The following DNA2 variants were observed in gnomAD, a reference collection of about 807,000 sequenced individuals.
DNA2 encodes the protein DNA replication helicase/nuclease 2.
A neutral mutation model predicts 119.1 loss-of-function variants in DNA2; 101 were observed. That is an observed-to-expected ratio of 0.85 (90% CI 0.72 to 1.00). The LOEUF (loss-of-function observed/expected upper bound fraction) is 1.00, where lower values mean the gene tolerates loss of function less well. DNA2 is among the 50% of genes least tolerant of loss of function. The pLI, the probability that DNA2 is intolerant of heterozygous loss-of-function variation, is 0.00. For synonymous variants in DNA2, 366 were observed against 424.4 expected, an observed-to-expected ratio of 0.86 and a Z score of 1.69; for missense variants, 1,121 against 1,255.5, an observed-to-expected ratio of 0.89 and a Z score of 1.62.
At chr10:68,457,037 G>A (rs2133427336) in intron 5 of DNA2, among the ~76,000 whole-genome samples, 1 of 151,884 alleles carries the variant, frequency 6.6e-6, no homozygotes, top group Middle Eastern at 3.4e-3. Flanking sequence ...AGGAGGCTGA[G>A]GCAGGAGAAT....
intron 10 of DNA2, among the ~76,000 whole-genome samples, chr10:68,435,246 C>T (rs1590056928): frequency 6.6e-6 from 1 of 151,888 alleles, no homozygotes; most frequent in Non-Finnish European, 1.5e-5. Context: ...CGAGGTTTTA[C>T]TTATGTTGCC....
In DNA2 at chr10:68,468,223, A is replaced by G; in HGVS notation, c.341T>C (p.Phe114Ser). 2 of 1,612,668 alleles carry G rather than the reference A, an allele frequency of 1.2e-6. No individual in the cohort carries two copies. The highest frequency in any genetic ancestry group is 1.7e-6 in the Non-Finnish European group (2 of 1,179,396). The change falls in exon 3 of 21, where the codon TTT becomes TCT. Residue 114 changes from phenylalanine (F) to serine (S), a missense_variant. Transcript: ENST00000358410. ...GTCTGGATACAGAATCAAATATCCA[A>G]AATCTTTATCTATTATCCAAGTGTC... is the stretch of plus-strand genomic sequence containing the variant. Reference protein sequence around the residue: ...TSDTWIIDKDFGYLILYPDML... With the variant: ...TSDTWIIDKDSGYLILYPDML...
intron 5 of DNA2, among the ~76,000 whole-genome samples, chr10:68,455,099 C>G (rs1347165953): frequency 6.6e-6 from 1 of 151,834 alleles, no homozygotes; most frequent in Admixed American, 6.6e-5. Flanking sequence ...GCCACCATGC[C>G]TGGCCAATTT....
chr10:68,447,491 T>C (rs1420603186), intron 6 of DNA2, among the ~76,000 whole-genome samples: 1 of 117,980 alleles, frequency 8.5e-6, no homozygotes, highest in African/African-American at 3.5e-5. Context: ...GACTCCAGCC[T>C]GGGGGACAGA....
chr10:68,419,589 A>G (rs2051638723), intron 18 of DNA2, among the ~76,000 whole-genome samples: 2 of 152,242 alleles, frequency 1.3e-5, no homozygotes, highest in Admixed American at 1.3e-4. Context: ...ATTAGCTGAC[A>G]TTACAAAAAG....
intron 8 of DNA2, among the ~76,000 whole-genome samples, chr10:68,443,561 C>T (rs372940967): frequency 1.2e-3 from 181 of 152,280 alleles, no homozygotes; most frequent in African/African-American, 3.5e-3. Context: ...CAAACACTGA[C>T]GATAAACATA....
At position 68,449,930 on chromosome 10, in the gene DNA2, C is replaced by T. The variant is rs141425561; in HGVS notation, c.939+98G>A. The stretch of plus-strand genomic sequence containing the variant: ...CGGAGCTTTCAGTGAGCCAAGACCA[C>T]GCCACTGCTCTCCAGCCTGGGAGAC... On this transcript the variant is annotated intron_variant, in intron 6 of 20. Coordinates refer to ENST00000358410, the MANE Select transcript of DNA2 (RefSeq NM_001080449.3). 489 of 865,462 alleles carry T rather than the reference C, an allele frequency of 5.7e-4. 3 individuals are homozygous for T. The African/African-American group carries it at 6.1e-3, about 11-fold the overall frequency. 53.6% of individuals were successfully genotyped at this position (865,462 alleles called of 1,614,324 possible). A position where few individuals can be genotyped will look rare whatever the true frequency, so the allele number is the denominator to read the frequency against.
intron 7 of DNA2, 98 bp from the exon 8 acceptor site, chr10:68,445,181 A>T (rs1449097495): frequency 2.6e-6 from 3 of 1,146,912 alleles, no homozygotes; most frequent in Admixed American, 2.5e-5. Context: ...AAAACATTTT[A>T]GGGCCGGGCA....
At chr10:68,454,695 A>G (rs2052161478) in intron 5 of DNA2, among the ~76,000 whole-genome samples, 1 of 151,800 alleles carries the variant, frequency 6.6e-6, no homozygotes, top group Admixed American at 6.6e-5. Flanking sequence ...AATCCCAGCT[A>G]CTCAGGAGGC....
intron 18 of DNA2, chr10:68,419,552 C>T: frequency 1.8e-6 from 1 of 548,874 alleles, no homozygotes; most frequent in Non-Finnish European, 3.2e-6. Flanking sequence ...TTCCTAATCA[C>T]TACAACATAG....
In DNA2 at chr10:68,459,240, C is replaced by T; in HGVS notation, c.588-5G>A. On this transcript the variant is annotated splice_region_variant and splice_polypyrimidine_tract_variant and intron_variant, in intron 4 of 20. Coordinates refer to ENST00000358410, the MANE Select transcript of DNA2 (RefSeq NM_001080449.3). ...TGACTTAGATTTAAGCGGTACCTGCCAAAAATATAATAGTAAATAGACTTA... is the reference window on the plus strand; with the variant it reads ...TGACTTAGATTTAAGCGGTACCTGCTAAAAATATAATAGTAAATAGACTTA... The T allele has an allele frequency of 6.5e-7, 1 of 1,537,216 alleles. No individual in the cohort carries two copies. The highest frequency in any genetic ancestry group is 8.7e-7 in the Non-Finnish European group (1 of 1,142,914).
chr10:68,457,863 G>A (rs965666435), intron 5 of DNA2, among the ~76,000 whole-genome samples: 25 of 151,898 alleles, frequency 1.6e-4, no homozygotes, highest in African/African-American at 6.0e-4. Context: ...TAGTAACACA[G>A]AAAAATACAC....
intron 6 of DNA2, among the ~76,000 whole-genome samples, chr10:68,449,229 A>G (rs570127982): frequency 6.6e-6 from 1 of 152,300 alleles, no homozygotes; most frequent in African/African-American, 2.4e-5. Context: ...TTTGACTTCA[A>G]AAACAAGCCT....
Position 68,470,009 on chromosome 10 carries a change from T to C in DNA2, c.229A>G (p.Lys77Glu). ...TCATTCCTAAGGATGCATAGTTCTT[T>C]ATTTTCTAGTGACTGTGAAGCAGTG... ...VITASQSLEN[K>E]ELCILRNDWC... Residue 77 changes from lysine to glutamate, a missense_variant, in exon 2 of 21, where the codon AAA becomes GAA. Coordinates refer to ENST00000358410, the MANE Select transcript of DNA2 (RefSeq NM_001080449.3). The C allele has an allele frequency of 6.2e-7, 1 of 1,608,664 alleles. No homozygotes were observed. Among genetic ancestry groups the C allele is most frequent in the Non-Finnish European group, 8.5e-7 (1 of 1,178,854 alleles).
intron 5 of DNA2, 148 bp from the exon 6 acceptor site, chr10:68,450,395 C>T (rs2052103256): frequency 3.0e-6 from 2 of 657,630 alleles, no homozygotes; most frequent in Non-Finnish European, 5.2e-6. Context: ...AACTTGGTCC[C>T]TGGACCAGTA....
At chr10:68,452,348 CA>C (rs2052129960) in intron 5 of DNA2, among the ~76,000 whole-genome samples, 1 of 152,176 alleles carries the variant, frequency 6.6e-6, no homozygotes, top group Non-Finnish European at 1.5e-5. Flanking sequence ...GCTGGAATTA[CA>C]AGCAAGATCC....
chr10:68,420,889 C>A, intron 17 of DNA2, among the ~76,000 whole-genome samples: 1 of 151,952 alleles, frequency 6.6e-6, no homozygotes, highest in Non-Finnish European at 1.5e-5. Context: ...TGAGAAACCT[C>A]TGTACTTTCC....
chr10:68,433,166 T>C (rs542743351), intron 10 of DNA2, among the ~76,000 whole-genome samples: 1 of 152,294 alleles, frequency 6.6e-6, no homozygotes, highest in Admixed American at 6.5e-5. Flanking sequence ...AACCTGATGC[T>C]CCTTCTCTGG....
At position 68,422,314 on chromosome 10, in the gene DNA2, G is replaced by C. The variant is rs1385351812; in HGVS notation, c.2608C>G (p.Leu870Val). ...TCAGAATAGTCAGCATAAAATTCCAGTTCCAGCTTCACATCTTTAAAGTGA... is the reference window on the plus strand; with the variant it reads ...TCAGAATAGTCAGCATAAAATTCCACTTCCAGCTTCACATCTTTAAAGTGA... ...LRHFKDVKLE[L>V]EFYADYSDNP... Residue 870 changes from leucine (L) to valine (V), a missense_variant, in exon 17 of 21, where the codon CTG (leucine) becomes GTG (valine). Leu to Val is a conservative substitution (Grantham distance 32). Transcript: ENST00000358410. The C allele has an allele frequency of 6.2e-7, 1 of 1,613,880 alleles. No homozygotes were observed. Among genetic ancestry groups the C allele is most frequent in the Non-Finnish European group, 8.5e-7 (1 of 1,179,874 alleles).
Sources: allele counts gnomAD v4.1 joint callset (sites outside exome capture counted in the v4.1 genomes callset), GRCh38; gene constraint gnomAD v4.1.1; transcripts MANE v1.5; gene names NCBI Gene and HGNC (gene_info 2026-07-23, HGNC 2026-07-21).